Variants in SPOP observed in about 807,000 individuals in gnomAD.
SPOP encodes speckle-type POZ protein.
A neutral mutation model predicts 45.6 loss-of-function variants in SPOP; 11 were observed. The ratio of observed to expected loss-of-function variants is 0.24; its 90% CI spans 0.15 to 0.40. The LOEUF is 0.40. Ranked by LOEUF, SPOP falls within the 10% of genes least tolerant of loss-of-function variation. The pLI is 1.00. For missense variants in SPOP, 152 were observed against 465.6 expected (o/e 0.33, Z 6.20); for synonymous variants, 166 against 166.3 (o/e 1.00, Z 0.01).
chr17:49,672,166 A>G (rs1391991890), intron 1 of SPOP, among the ~76,000 whole-genome samples: 1 of 152,156 alleles, frequency 6.6e-6, no homozygotes, highest in Non-Finnish European at 1.5e-5. Context: ...TTTATTCCTA[A>G]CCGATGAGGA....
At chr17:49,632,729 T>C (rs868218276) in intron 1 of SPOP, among the ~76,000 whole-genome samples, 3 of 152,224 alleles carry the variant, frequency 2.0e-5, no homozygotes, top group Middle Eastern at 3.4e-3. Context: ...CTCACCCACC[T>C]TGGCCTCCCA....
intron 5 of SPOP, among the ~76,000 whole-genome samples, chr17:49,614,740 G>A (rs904081860): frequency 1.3e-4 from 19 of 150,900 alleles, no homozygotes; most frequent in Admixed American, 1.1e-3. Context: ...AGGATAAAAA[G>A]GTAAAAATGA....
chr17:49,621,580 G>A (rs938316227), intron 3 of SPOP, among the ~76,000 whole-genome samples: 3 of 152,218 alleles, frequency 2.0e-5, no homozygotes, highest in Admixed American at 6.5e-5. Flanking sequence ...CCTTACTCAT[G>A]CATAGCTATA....
Position 49,600,580 on chromosome 17 carries a change from C to T in SPOP, c.981-58G>A. 1.3e-6 allele frequency: 2 copies of T among 1,599,022 alleles called. No homozygotes were observed. Among genetic ancestry groups the T allele is most frequent in the South Asian group, 2.2e-5 (2 of 90,506 alleles). ...GGGAGTGAGCAAGGGATGAATTCAACAGCCACCTAGATAGCCTAATTTTCC... is the reference window on the plus strand; with the variant it reads ...GGGAGTGAGCAAGGGATGAATTCAATAGCCACCTAGATAGCCTAATTTTCC... On this transcript the variant is annotated intron_variant, in intron 9 of 9. Transcript: ENST00000504102. The surrounding 1 kb of genome is among the most constrained non-coding windows in gnomAD (Gnocchi z 4.2).
At chr17:49,641,237 T>C (rs886455752) in intron 1 of SPOP, among the ~76,000 whole-genome samples, 4 of 117,012 alleles carry the variant, frequency 3.4e-5, no homozygotes, top group Non-Finnish European at 4.8e-5. Flanking sequence ...CACTCCAGCC[T>C]GGATGACAGA....
chr17:49,664,952 C>T (rs2143547081), intron 1 of SPOP, among the ~76,000 whole-genome samples: 1 of 152,164 alleles, frequency 6.6e-6, no homozygotes, highest in Admixed American at 6.5e-5. Flanking sequence ...GATAAATCTC[C>T]CCTGGCTTAT....
intron 1 of SPOP, among the ~76,000 whole-genome samples, chr17:49,649,182 G>T (rs1486793362): frequency 6.6e-6 from 1 of 152,150 alleles, no homozygotes; most frequent in East Asian, 1.9e-4. Context: ...TTGCCTTAAA[G>T]AAATCAGCCA....
intron 1 of SPOP, among the ~76,000 whole-genome samples, chr17:49,662,728 T>A (rs1597979783): frequency 6.6e-6 from 1 of 152,262 alleles, no homozygotes; most frequent in East Asian, 1.9e-4. Flanking sequence ...GAAAAACATT[T>A]CTGTTCAAAA....
intron 1 of SPOP, among the ~76,000 whole-genome samples, chr17:49,663,347 G>C (rs1310290567): frequency 6.6e-6 from 1 of 152,196 alleles, no homozygotes; most frequent in Non-Finnish European, 1.5e-5. Context: ...CCAACTACCA[G>C]GTAGTGGAAA....
chr17:49,667,070 C>T (rs755485697), intron 1 of SPOP, among the ~76,000 whole-genome samples: 33 of 146,888 alleles, frequency 2.2e-4, no homozygotes, highest in African/African-American at 7.6e-4. Context: ...CCCAGCTACT[C>T]GGGAGGCAGA....
intron 1 of SPOP, among the ~76,000 whole-genome samples, chr17:49,669,611 A>C (rs1372970908): frequency 6.6e-6 from 1 of 150,596 alleles, no homozygotes; most frequent in Admixed American, 6.6e-5. Context: ...CTAAAAATAC[A>C]AAAATTAGCT....
At chr17:49,674,386 C>G (rs2073174449) in intron 1 of SPOP, among the ~76,000 whole-genome samples, 1 of 152,176 alleles carries the variant, frequency 6.6e-6, no homozygotes, top group Admixed American at 6.5e-5. Context: ...TCTCGTTACT[C>G]ACTATTATTG....
intron 1 of SPOP, among the ~76,000 whole-genome samples, chr17:49,658,380 T>C (rs1350700706): frequency 6.6e-6 from 1 of 152,232 alleles, no homozygotes; most frequent in Non-Finnish European, 1.5e-5. Context: ...ACTTTTATTC[T>C]GAAAAAATAC....
At position 49,602,993 on chromosome 17, in the gene SPOP, C is replaced by A. The variant is rs74749701; in HGVS notation, c.838-986G>T. Among the ~76,000 whole-genome samples the A allele has an allele frequency of 3.6e-3, 549 of 152,252 alleles. 3 individuals are homozygous for A. Among genetic ancestry groups the A allele is most frequent in the Non-Finnish European group, 6.6e-3 (451 of 68,004 alleles). On this transcript the variant is annotated intron_variant, in intron 8 of 9. Coordinates refer to ENST00000504102, the MANE Select transcript of SPOP (RefSeq NM_001007228.2). ...CAAAATAAAATGTCATTGATCAGTT[C>A]ACAGGAAAACAGTTTGCTTTGAGGC... is the stretch of plus-strand genomic sequence containing the variant.
chr17:49,640,484 A>G (rs2072626837), intron 1 of SPOP, among the ~76,000 whole-genome samples: 1 of 152,124 alleles, frequency 6.6e-6, no homozygotes, highest in Admixed American at 6.6e-5. Context: ...CATACCTAAG[A>G]TCTATATTTC....
rs748729342 is a variant in SPOP, at chr17:49,602,026, G to A, written c.838-19C>T. Reference sequence around the variant, plus strand: ...GGGCATACTGTAAAACACAAGCACTGCTGTCATCAGAGCAGCAATAGTTCT... The same window carrying A: ...GGGCATACTGTAAAACACAAGCACTACTGTCATCAGAGCAGCAATAGTTCT... On this transcript the variant is annotated intron_variant, in intron 8 of 9. Coordinates refer to ENST00000504102, the MANE Select transcript of SPOP (RefSeq NM_001007228.2). 1.9e-6 allele frequency: 3 copies of A among 1,613,278 alleles called. No homozygotes were observed. Among genetic ancestry groups the A allele is most frequent in the Admixed American group, 1.7e-5 (1 of 59,962 alleles).
chr17:49,655,953 G>A (rs1244626823), intron 1 of SPOP, among the ~76,000 whole-genome samples: 1 of 152,068 alleles, frequency 6.6e-6, no homozygotes, highest in Non-Finnish European at 1.5e-5. Flanking sequence ...TAGGATTACA[G>A]GCATGCGCCA....
intron 8 of SPOP, among the ~76,000 whole-genome samples, chr17:49,604,223 G>A (rs2071792287): frequency 6.6e-6 from 1 of 152,178 alleles, no homozygotes; most frequent in Admixed American, 6.5e-5. Context: ...AGCTTGCAGT[G>A]AATATTTTCT....
At chr17:49,633,010 TTC>T (rs2072480514) in intron 1 of SPOP, among the ~76,000 whole-genome samples, 1 of 152,250 alleles carries the variant, frequency 6.6e-6, no homozygotes, top group Non-Finnish European at 1.5e-5. Context: ...TAGAACACAT[TTC>T]TGGCATAGCC....
Sources: allele counts gnomAD v4.1 joint callset (sites outside exome capture counted in the v4.1 genomes callset), GRCh38; gene constraint gnomAD v4.1.1; non-coding constraint Gnocchi (gnomAD v3.1); transcripts MANE v1.5; gene names NCBI Gene and HGNC (gene_info 2026-07-23, HGNC 2026-07-21).